The following THADA variants were observed in gnomAD, a reference collection of about 807,000 sequenced individuals.
The protein encoded by THADA is tRNA (32-2'-O)-methyltransferase regulator THADA.
THADA carries 213 observed loss-of-function variants against 219.8 expected under a neutral mutation model. The observed-to-expected ratio is 0.97, with a 90% CI of 0.87 to 1.09. THADA has a LOEUF of 1.09. Among genes scored for constraint, THADA ranks in the 50% least tolerant of loss-of-function variants. THADA has a pLI of 0.00. For missense variants in THADA, 2,956 were observed against 2,311.3 expected, an observed-to-expected ratio of 1.28 and a Z score of -5.72; for synonymous variants, 1,018 against 828.9, an observed-to-expected ratio of 1.23 and a Z score of -3.92.
chr2:43,419,229 C>G (rs886569873), intron 28 of THADA, among the ~76,000 whole-genome samples: 6 of 152,034 alleles, frequency 3.9e-5, no homozygotes, highest in African/African-American at 1.4e-4. Flanking sequence ...GAAGAGTGAT[C>G]ACAATATAAA....
chr2:43,388,864 A>G (rs961923485), intron 29 of THADA, among the ~76,000 whole-genome samples: 2 of 152,146 alleles, frequency 1.3e-5, no homozygotes, highest in Non-Finnish European at 2.9e-5. Flanking sequence ...ATTTTTTTAA[A>G]CACATTTTTC....
chr2:43,434,747 T>G (rs1213015438), intron 26 of THADA, among the ~76,000 whole-genome samples: 1 of 152,200 alleles, frequency 6.6e-6, no homozygotes, highest in Non-Finnish European at 1.5e-5. Flanking sequence ...CCTGGACTAA[T>G]TCTCCAAGCC....
At chr2:43,541,941 T>A (rs989650270) in intron 20 of THADA, among the ~76,000 whole-genome samples, 6 of 152,182 alleles carry the variant, frequency 3.9e-5, no homozygotes, top group South Asian at 2.1e-4. Context: ...ATAAATACAC[T>A]CCTTATTTAT....
intron 29 of THADA, among the ~76,000 whole-genome samples, chr2:43,361,447 G>A (rs189657411): frequency 1.1e-4 from 17 of 152,296 alleles, no homozygotes; most frequent in African/African-American, 3.9e-4. Flanking sequence ...TGCAACTGAC[G>A]GCATCTCTCA....
intron 26 of THADA, among the ~76,000 whole-genome samples, chr2:43,481,964 C>T (rs1467320054): frequency 1.3e-5 from 2 of 152,132 alleles, no homozygotes; most frequent in East Asian, 3.9e-4. Flanking sequence ...AAGGAAAGAC[C>T]TAGAGCTAAG....
chr2:43,321,309 T>C (rs896275883), intron 30 of THADA, among the ~76,000 whole-genome samples: 1 of 152,208 alleles, frequency 6.6e-6, no homozygotes, highest in Non-Finnish European at 1.5e-5. Context: ...AGACCTACAA[T>C]TGAGTCCTGG....
chr2:43,320,362 G>C (rs1678556821), intron 31 of THADA, 84 bp downstream of exon 31: 1 of 916,178 alleles, frequency 1.1e-6, no homozygotes, highest in South Asian at 1.6e-5. Flanking sequence ...AGGTGGAGCA[G>C]TGTGTGGCAG....
intron 30 of THADA, among the ~76,000 whole-genome samples, chr2:43,341,196 A>G (rs1019084311): frequency 6.6e-6 from 1 of 152,186 alleles, no homozygotes; most frequent in African/African-American, 2.4e-5. Flanking sequence ...CACAAAGCGG[A>G]AAGTTCACAC....
chr2:43,424,318 A>G (rs1678128230), intron 28 of THADA, among the ~76,000 whole-genome samples: 2 of 152,208 alleles, frequency 1.3e-5, no homozygotes, highest in Non-Finnish European at 2.9e-5. Context: ...ATTCACTTTT[A>G]GCAGTCAGAG....
chr2:43,353,499 A>C (rs576277501), intron 29 of THADA, among the ~76,000 whole-genome samples: 8 of 152,326 alleles, frequency 5.3e-5, no homozygotes, highest in Non-Finnish European at 1.2e-4. Flanking sequence ...GATATAAAAG[A>C]GATGGGTATT....
At chr2:43,287,463 T>C (rs1194916023) in intron 34 of THADA, among the ~76,000 whole-genome samples, 2 of 152,142 alleles carry the variant, frequency 1.3e-5, no homozygotes, top group Non-Finnish European at 2.9e-5. Flanking sequence ...CCTGGCTAAT[T>C]TTTGTATTTA....
intron 21 of THADA, among the ~76,000 whole-genome samples, chr2:43,532,386 C>G (rs1199919695): frequency 7.2e-6 from 1 of 138,168 alleles, no homozygotes; most frequent in Non-Finnish European, 1.5e-5. Context: ...GCACTCCAGC[C>G]TGGTCAACAG....
At chr2:43,322,686 T>G (rs1246133699) in intron 30 of THADA, among the ~76,000 whole-genome samples, 1 of 99,818 alleles carries the variant, frequency 1.0e-5, no homozygotes, top group African/African-American at 3.9e-5. Flanking sequence ...TTTTTTTTTT[T>G]TTTTTTTTTT....
intron 24 of THADA, among the ~76,000 whole-genome samples, chr2:43,501,796 T>G (rs1689020174): frequency 6.6e-6 from 1 of 152,000 alleles, no homozygotes; most frequent in African/African-American, 2.4e-5. Flanking sequence ...ATACAAAAAT[T>G]AGCTGGGAGT....
intron 29 of THADA, among the ~76,000 whole-genome samples, chr2:43,397,428 A>C (rs1020090956): frequency 4.6e-5 from 7 of 152,174 alleles, no homozygotes; most frequent in African/African-American, 1.7e-4. Flanking sequence ...TTTCTAGAAG[A>C]AATGTTAGGT....
intron 26 of THADA, among the ~76,000 whole-genome samples, chr2:43,433,971 G>T (rs115038971): frequency 0.011 from 1,719 of 152,338 alleles, 31 homozygotes; most frequent in Non-Finnish European, 0.013. Flanking sequence ...TTACAGGCAT[G>T]AGCCACTGCG....
rs56687341 is a variant in THADA at position 43,247,727 on chromosome 2, C to CAA, written c.5297-14847_5297-14846dup. On this transcript the variant is annotated intron_variant, in intron 36 of 37. Coordinates refer to ENST00000405975, the MANE Select transcript of THADA (RefSeq NM_022065.5). ...CTGGCGACAGAGCAAGACTCCGTCT[C>CAA]AAAAAAAAAAAAAAAAAAAAAAAAA... Among the ~76,000 whole-genome samples, 162 of 53,338 alleles carry CAA rather than the reference C, an allele frequency of 3.0e-3. 2 individuals carry two copies. The highest frequency in any genetic ancestry group is 0.013 in the East Asian group (10 of 788). The allele number at this position is 53,338 out of a possible 152,430, so 35.0% of individuals were successfully genotyped here. A position where few individuals can be genotyped will look rare whatever the true frequency, so the allele number is the denominator to read the frequency against.
intron 29 of THADA, among the ~76,000 whole-genome samples, chr2:43,394,280 A>G (rs1394404090): frequency 6.6e-6 from 1 of 152,134 alleles, no homozygotes; most frequent in Non-Finnish European, 1.5e-5. Flanking sequence ...TCTTTTTTGC[A>G]TGTGCTATAA....
At chr2:43,420,636 C>T (rs1015113954) in intron 28 of THADA, among the ~76,000 whole-genome samples, 2 of 152,192 alleles carry the variant, frequency 1.3e-5, no homozygotes, top group South Asian at 2.1e-4. Flanking sequence ...TTTGTCAATG[C>T]ATTCCATAAG....
Sources: gnomAD v4.1 joint callset for allele counts (sites outside exome capture counted in the v4.1 genomes callset) on GRCh38, gnomAD v4.1.1 for gene constraint, MANE v1.5 for transcripts, NCBI Gene and HGNC (gene_info 2026-07-23, HGNC 2026-07-21) for gene names.